The following CLRN1 variants were observed in gnomAD, a reference collection of about 807,000 sequenced individuals.
CLRN1 encodes the protein clarin 1.
In CLRN1, 15 loss-of-function variants were observed where a neutral mutation model predicts 18.7. The ratio of observed to expected loss-of-function variants is 0.80; its 90% CI spans 0.54 to 1.23. The LOEUF (loss-of-function observed/expected upper bound fraction) is 1.23. CLRN1 is among the 50% of genes most tolerant of loss of function. The pLI is 0.00. For missense variants in CLRN1, 311 were observed against 277.5 expected, an observed-to-expected ratio of 1.12 and a Z score of -0.86; for synonymous variants, 104 against 102.9, an observed-to-expected ratio of 1.01 and a Z score of -0.07.
intron 1 of CLRN1, among the ~76,000 whole-genome samples, chr3:150,942,365 G>A (rs1326491521): frequency 6.6e-6 from 1 of 152,188 alleles, no homozygotes; most frequent in African/African-American, 2.4e-5. Context: ...TAGATTTTGT[G>A]TTCAGGGCAA....
In CLRN1 at chr3:150,940,499, T is replaced by C. The variant is rs536003609; in HGVS notation, c.433+1083A>G. 31 of 1,534,888 alleles carry C rather than the reference T, an allele frequency of 2.0e-5. No homozygotes were observed. The East Asian group carries it at 7.6e-4, about 38-fold the overall frequency. The stretch of plus-strand genomic sequence containing the variant: ...AAAGTACCTTGAGCCTGGTGCCTGG[T>C]AGCTGGCAGCCAAAGGGCAACTTCA... On this transcript the variant is annotated intron_variant, in intron 2 of 2. Transcript: ENST00000327047.
intron 1 of CLRN1, among the ~76,000 whole-genome samples, chr3:150,961,494 T>C (rs546917142): frequency 6.6e-6 from 1 of 152,260 alleles, no homozygotes; most frequent in African/African-American, 2.4e-5. Context: ...AGATGTAAAA[T>C]GCAGAAAAGG....
chr3:150,931,653 G>A (rs1713152908), intron 2 of CLRN1, among the ~76,000 whole-genome samples: 2 of 152,310 alleles, frequency 1.3e-5, no homozygotes, highest in South Asian at 4.1e-4. Flanking sequence ...CTATGCTTGA[G>A]GCTCTTTACT....
intron 1 of CLRN1, among the ~76,000 whole-genome samples, chr3:150,942,211 A>G (rs1354996828): frequency 1.3e-5 from 2 of 152,166 alleles, no homozygotes; most frequent in African/African-American, 4.8e-5. Context: ...GTTACAAAAA[A>G]ATTGTTTCTA....
At position 150,972,490 on chromosome 3, in the gene CLRN1, C is replaced by G; in HGVS notation, c.219G>C (p.Gln73His). 1 of 1,614,232 alleles carries G rather than the reference C, an allele frequency of 6.2e-7. No individual in the cohort carries two copies. Among genetic ancestry groups the G allele is most frequent in the Non-Finnish European group, 8.5e-7 (1 of 1,180,054 alleles). ...YGLFHGEGVR[Q>H]CGLGARPFRF... is the part of the protein sequence containing the mutation. Reference sequence around the variant, plus strand: ...GAAAGGGCCTTGCTCCCAACCCACACTGCCTCACACCCTCTCCGTGGAAAA... The same window carrying G: ...GAAAGGGCCTTGCTCCCAACCCACAGTGCCTCACACCCTCTCCGTGGAAAA... Residue 73 changes from glutamine (Q) to histidine (H), a missense_variant, in exon 1 of 3, where the codon CAG (glutamine) becomes CAC (histidine). Transcript: ENST00000327047.
At chr3:150,929,187 A>G (rs1223763165) in intron 2 of CLRN1, among the ~76,000 whole-genome samples, 3 of 152,168 alleles carry the variant, frequency 2.0e-5, no homozygotes, top group Non-Finnish European at 4.4e-5. Context: ...TGGTAGCCTA[A>G]TTTTAACAGA....
chr3:150,968,771 A>G (rs1406536410), intron 1 of CLRN1, among the ~76,000 whole-genome samples: 3 of 152,226 alleles, frequency 2.0e-5, no homozygotes, highest in Admixed American at 2.0e-4. Flanking sequence ...CAACTTGTTC[A>G]GAGCAAATCC....
At chr3:150,936,482 G>C (rs905635058) in intron 2 of CLRN1, among the ~76,000 whole-genome samples, 2 of 152,018 alleles carry the variant, frequency 1.3e-5, no homozygotes, top group African/African-American at 4.8e-5. Context: ...CTGCAAGCCT[G>C]CTCCTCCCTT....
chr3:150,958,357 C>A (rs1237452035), intron 1 of CLRN1, among the ~76,000 whole-genome samples: 1 of 152,190 alleles, frequency 6.6e-6, no homozygotes, highest in South Asian at 2.1e-4. Context: ...ATTGGAGGAG[C>A]CTTATGACTG....
At chr3:150,938,051 G>C (rs368240605) in intron 2 of CLRN1, among the ~76,000 whole-genome samples, 5 of 152,276 alleles carry the variant, frequency 3.3e-5, no homozygotes, top group Admixed American at 3.3e-4. Flanking sequence ...GAAGTAGACA[G>C]TTGAAGAAAT....
chr3:150,957,072 T>C (rs1211376943), intron 1 of CLRN1, among the ~76,000 whole-genome samples: 1 of 152,172 alleles, frequency 6.6e-6, no homozygotes, highest in Non-Finnish European at 1.5e-5. Context: ...AAATGTTTTC[T>C]CCTGTCCAAG....
chr3:150,964,156 A>G (rs965004792), intron 1 of CLRN1, among the ~76,000 whole-genome samples: 11 of 152,210 alleles, frequency 7.2e-5, no homozygotes, highest in African/African-American at 2.4e-4. Flanking sequence ...AATTTTTGCA[A>G]TCTACCCATC....
intron 2 of CLRN1, among the ~76,000 whole-genome samples, chr3:150,934,271 C>G (rs1011027377): frequency 6.6e-6 from 1 of 152,044 alleles, no homozygotes; most frequent in African/African-American, 2.4e-5. Flanking sequence ...CATGCCATAG[C>G]TGTAATTATC....
chr3:150,952,934 TTTCTTCTTC>T (rs968988955), intron 1 of CLRN1, among the ~76,000 whole-genome samples: 5 of 151,960 alleles, frequency 3.3e-5, no homozygotes, highest in African/African-American at 4.8e-5. Flanking sequence ...CTTTATCAGG[TTTCTTCTTC>T]TTCTTCTTCT....
At chr3:150,951,092 T>C (rs1181672046) in intron 1 of CLRN1, among the ~76,000 whole-genome samples, 5 of 152,038 alleles carry the variant, frequency 3.3e-5, no homozygotes, top group African/African-American at 1.2e-4. Context: ...AGCTACATGA[T>C]GAGAACTTAC....
intron 1 of CLRN1, among the ~76,000 whole-genome samples, chr3:150,946,690 T>C (rs1714189148): frequency 1.3e-5 from 2 of 151,386 alleles, no homozygotes; most frequent in African/African-American, 2.4e-5. Flanking sequence ...GTTTGTGATT[T>C]GAACAGACCA....
chr3:150,960,356 G>T (rs1381510894), intron 1 of CLRN1, among the ~76,000 whole-genome samples: 1 of 152,162 alleles, frequency 6.6e-6, no homozygotes, highest in Non-Finnish European at 1.5e-5. Flanking sequence ...AATCACTGAG[G>T]GTGGGTAAGA....
chr3:150,937,853 T>A (rs996822254), intron 2 of CLRN1, among the ~76,000 whole-genome samples: 1 of 152,200 alleles, frequency 6.6e-6, no homozygotes, highest in Non-Finnish European at 1.5e-5. Flanking sequence ...TGGGTTGCTT[T>A]CTTTCCTTTT....
chr3:150,943,786 C>T (rs776805963), intron 1 of CLRN1: 2 of 1,613,708 alleles, frequency 1.2e-6, no homozygotes, highest in Non-Finnish European at 1.7e-6. Context: ...TTGTAACACA[C>T]CCTCTGGGGC....
Sources: allele counts gnomAD v4.1 joint callset (sites outside exome capture counted in the v4.1 genomes callset), GRCh38; gene constraint gnomAD v4.1.1; transcripts MANE v1.5; gene names NCBI Gene and HGNC (gene_info 2026-07-23, HGNC 2026-07-21).